Variants in ZNF644 observed in about 807,000 individuals in gnomAD.
ZNF644 encodes zinc finger protein 644, also known as zinc finger motif enhancer binding protein 2.
In ZNF644, 20 loss-of-function variants were observed where a neutral mutation model predicts 108.0. The ratio of observed to expected loss-of-function variants is 0.19; its 90% CI spans 0.13 to 0.27. ZNF644 has a LOEUF of 0.27. Ranked by LOEUF, ZNF644 falls within the 10% of genes least tolerant of loss-of-function variation. The probability of loss-of-function intolerance (pLI) is 1.00; values close to 1 mark genes in which losing one functional copy is unlikely to be tolerated. For missense variants in ZNF644, 1,338 were observed against 1,548.9 expected (o/e 0.86, Z 2.29); for synonymous variants, 542 against 539.1 (o/e 1.01, Z -0.08).
At chr1:90,982,026 C>T (rs1656600010) in intron 2 of ZNF644, among the ~76,000 whole-genome samples, 1 of 151,994 alleles carries the variant, frequency 6.6e-6, no homozygotes, top group Admixed American at 6.6e-5. Context: ...CAAACATTAA[C>T]TTGATTTTCT....
At chr1:90,949,632 TAAG>T (rs1310542333) in intron 2 of ZNF644, among the ~76,000 whole-genome samples, 4 of 152,080 alleles carry the variant, frequency 2.6e-5, no homozygotes, top group Admixed American at 6.5e-5. Flanking sequence ...AAAATACAAA[TAAG>T]AAACCAATGA....
At chr1:90,930,537 C>A (rs374858672) in intron 4 of ZNF644, among the ~76,000 whole-genome samples, 1 of 152,108 alleles carries the variant, frequency 6.6e-6, no homozygotes, top group South Asian at 2.1e-4. Context: ...TCAGTACCAA[C>A]CCCTAAGAGA....
At chr1:90,983,481 C>CAAAAAAAA (rs768476839) in intron 1 of ZNF644, among the ~76,000 whole-genome samples, 2 of 63,446 alleles carry the variant, frequency 3.2e-5, no homozygotes, top group African/African-American at 1.1e-4. Context: ...CCTCATATGG[C>CAAAAAAAA]AAAAAAAAAA....
intron 2 of ZNF644, among the ~76,000 whole-genome samples, chr1:90,955,777 T>C (rs931429549): frequency 3.9e-5 from 6 of 152,224 alleles, no homozygotes; most frequent in East Asian, 1.9e-4. Flanking sequence ...AGTAACAAGG[T>C]TGTTTTGATT....
intron 2 of ZNF644, among the ~76,000 whole-genome samples, chr1:90,946,039 C>T (rs1652480472): frequency 6.6e-6 from 1 of 152,050 alleles, no homozygotes; most frequent in African/African-American, 2.4e-5. Context: ...CTTGTGAACA[C>T]ATGACAACTT....
chr1:90,950,607 C>G (rs1388787885), intron 2 of ZNF644, among the ~76,000 whole-genome samples: 2 of 151,752 alleles, frequency 1.3e-5, no homozygotes, highest in African/African-American at 4.8e-5. Context: ...AAAACTTTTA[C>G]AAGTACAAAG....
At chr1:90,928,937 T>C (rs1455698298) in intron 4 of ZNF644, among the ~76,000 whole-genome samples, 1 of 152,110 alleles carries the variant, frequency 6.6e-6, no homozygotes, top group Non-Finnish European at 1.5e-5. Context: ...CTTTTCCCAC[T>C]GGGTTATATT....
intron 4 of ZNF644, among the ~76,000 whole-genome samples, chr1:90,934,453 T>C (rs61665270): frequency 0.013 from 1,922 of 152,280 alleles, 39 homozygotes; most frequent in African/African-American, 0.044. Context: ...AAAGAATTTA[T>C]GTAGATCTAT....
rs546725565 is a variant in ZNF644 at position 90,937,715 on chromosome 1, T to C, written c.3458A>G (p.Tyr1153Cys). Reference protein sequence around the residue: ...EEEGLNFLNEYDETKPELPSG... With the variant: ...EEEGLNFLNECDETKPELPSG... The stretch of plus-strand genomic sequence containing the variant: ...GGGCAGTTCTGGTTTTGTTTCATCA[T>C]ATTCATTTAAGAAATTCAGCCCTTC... The change falls in exon 4 of 6, where the codon TAT (tyrosine) becomes TGT (cysteine). Residue 1153 changes from tyrosine (Y) to cysteine (C), a missense_variant. Tyr to Cys is a radical substitution (Grantham distance 194, BLOSUM62 -2). Coordinates refer to ENST00000337393, the MANE Select transcript of ZNF644 (RefSeq NM_201269.3). The C allele has an allele frequency of 6.8e-6, 11 of 1,613,906 alleles. No homozygotes were observed. The African/African-American group carries it at 1.1e-4, about 16-fold the overall frequency.
intron 1 of ZNF644, among the ~76,000 whole-genome samples, chr1:90,995,740 T>C (rs747872681): frequency 2.0e-5 from 3 of 152,218 alleles, no homozygotes; most frequent in Non-Finnish European, 4.4e-5. Context: ...CCAATGATAT[T>C]ATCCTTCAAA....
chr1:90,925,200 C>T (rs890244794), intron 4 of ZNF644, among the ~76,000 whole-genome samples: 1 of 152,158 alleles, frequency 6.6e-6, no homozygotes. Flanking sequence ...CTCATGCCCC[C>T]CACTGGGGGG....
chr1:90,942,930 G>A (rs1294364149), intron 2 of ZNF644, among the ~76,000 whole-genome samples: 1 of 152,142 alleles, frequency 6.6e-6, no homozygotes, highest in Non-Finnish European at 1.5e-5. Flanking sequence ...AACAAGACAA[G>A]TTAGGTTCCT....
intron 1 of ZNF644, among the ~76,000 whole-genome samples, chr1:91,016,132 A>G (rs1386039303): frequency 2.0e-5 from 3 of 152,156 alleles, no homozygotes; most frequent in South Asian, 2.1e-4. Context: ...GTCTGTGTGT[A>G]AAGTATTTAG....
intron 2 of ZNF644, among the ~76,000 whole-genome samples, chr1:90,975,028 C>T (rs778980922): frequency 6.6e-6 from 1 of 152,132 alleles, no homozygotes; most frequent in Non-Finnish European, 1.5e-5. Context: ...CAGTCCTTCC[C>T]CACATTTTTT....
At chr1:90,920,434 AT>A (rs1441725737) in intron 4 of ZNF644, among the ~76,000 whole-genome samples, 4 of 152,046 alleles carry the variant, frequency 2.6e-5, no homozygotes, top group Admixed American at 1.3e-4. Context: ...GCAAAAGAAC[AT>A]TTTATCAGTT....
intron 1 of ZNF644, among the ~76,000 whole-genome samples, chr1:91,017,451 G>C (rs1440652147): frequency 6.6e-6 from 1 of 152,128 alleles, no homozygotes; most frequent in Non-Finnish European, 1.5e-5. Flanking sequence ...TCCCAACCAA[G>C]AGAAGTGTGC....
At chr1:90,978,426 G>A (rs369514177) in intron 2 of ZNF644, among the ~76,000 whole-genome samples, 4 of 151,684 alleles carry the variant, frequency 2.6e-5, no homozygotes, top group East Asian at 3.9e-4. Flanking sequence ...GTCAATGTAC[G>A]TTGTACAATC....
chr1:91,001,335 C>T (rs900079231), intron 1 of ZNF644, among the ~76,000 whole-genome samples: 2 of 152,144 alleles, frequency 1.3e-5, no homozygotes, highest in Admixed American at 6.5e-5. Flanking sequence ...AGCTTATCCA[C>T]CATGATCAAG....
intron 1 of ZNF644, among the ~76,000 whole-genome samples, chr1:91,000,135 A>G (rs1208538708): frequency 6.6e-6 from 1 of 152,224 alleles, no homozygotes; most frequent in Non-Finnish European, 1.5e-5. Flanking sequence ...TCAACAAGAC[A>G]GAAAGTTAAC....
Sources: gnomAD v4.1 joint callset for allele counts (sites outside exome capture counted in the v4.1 genomes callset) on GRCh38, gnomAD v4.1.1 for gene constraint, MANE v1.5 for transcripts, NCBI Gene and HGNC (gene_info 2026-07-23, HGNC 2026-07-21) for gene names.